Variants in GTF2F2 observed in about 807,000 individuals in gnomAD.
GTF2F2 encodes general transcription factor IIF subunit 2.
A neutral mutation model predicts 42.2 loss-of-function variants in GTF2F2; 23 were observed. The observed-to-expected ratio is 0.55, with a 90% CI of 0.39 to 0.77. GTF2F2 has a LOEUF of 0.77. Ranked by LOEUF, GTF2F2 falls within the 30% of genes least tolerant of loss-of-function variation. The probability of loss-of-function intolerance (pLI) is 0.00; values close to 1 mark genes in which losing one functional copy is unlikely to be tolerated. For missense variants in GTF2F2, 261 were observed against 287.2 expected, an observed-to-expected ratio of 0.91 and a Z score of 0.66; for synonymous variants, 105 against 100.8, an observed-to-expected ratio of 1.04 and a Z score of -0.25.
chr13:45,142,596 C>T (rs1566112480), intron 2 of GTF2F2, among the ~76,000 whole-genome samples: 2 of 152,136 alleles, frequency 1.3e-5, no homozygotes, highest in South Asian at 2.1e-4. Flanking sequence ...TTCTACCTAA[C>T]GTAACACATA....
At chr13:45,154,538 G>A (rs1778812246) in intron 4 of GTF2F2, among the ~76,000 whole-genome samples, 1 of 152,134 alleles carries the variant, frequency 6.6e-6, no homozygotes, top group South Asian at 2.1e-4. Flanking sequence ...GCAGTTCTAA[G>A]TTGCTATTAG....
intron 4 of GTF2F2, among the ~76,000 whole-genome samples, chr13:45,173,868 C>T (rs1404666491): frequency 6.6e-6 from 1 of 152,124 alleles, no homozygotes; most frequent in Non-Finnish European, 1.5e-5. Context: ...CCACCTGCCT[C>T]AGCCTCCCAA....
At chr13:45,273,285 G>T (rs1028673338) in intron 7 of GTF2F2, among the ~76,000 whole-genome samples, 4 of 151,758 alleles carry the variant, frequency 2.6e-5, no homozygotes, top group African/African-American at 9.7e-5. Flanking sequence ...TATGTTGCTT[G>T]CTGTGGTCTT....
chr13:45,259,054 A>C (rs1187647109), intron 6 of GTF2F2, among the ~76,000 whole-genome samples: 1 of 152,062 alleles, frequency 6.6e-6, no homozygotes, highest in Non-Finnish European at 1.5e-5. Context: ...TTTTCTTCTC[A>C]TAAGGAATCA....
rs551319243 is a variant in GTF2F2 at position 45,164,891 on chromosome 13, C to T, written c.304+13060C>T. ...TACACTTGAACTGTGTTCTTGATTA[C>T]GTTGGTTCTGATACAAAGTGCCTAG... On this transcript the variant is annotated intron_variant, in intron 4 of 7. Coordinates refer to ENST00000340473, the MANE Select transcript of GTF2F2 (RefSeq NM_004128.3). Among the ~76,000 whole-genome samples the T allele has an allele frequency of 2.0e-5, 3 of 152,296 alleles. No individual in the cohort carries two copies. The South Asian group carries it at 6.2e-4, about 32-fold the overall frequency.
At chr13:45,163,073 A>G (rs1871113197) in intron 4 of GTF2F2, among the ~76,000 whole-genome samples, 1 of 151,942 alleles carries the variant, frequency 6.6e-6, no homozygotes, top group African/African-American at 2.4e-5. Flanking sequence ...TTCCTTGGAG[A>G]TGTGTTAGGC....
At chr13:45,151,975 G>T in intron 4 of GTF2F2, 144 bp downstream of exon 4, 1 of 493,748 alleles carries the variant, frequency 2.0e-6, no homozygotes, top group Non-Finnish European at 3.5e-6. Flanking sequence ...AAGTCCAATG[G>T]CACGATCTTG....
At chr13:45,211,959 ACACACACACACG>A (rs1873663217) in intron 5 of GTF2F2, among the ~76,000 whole-genome samples, 1 of 151,426 alleles carries the variant, frequency 6.6e-6, no homozygotes, top group Non-Finnish European at 1.5e-5. Flanking sequence ...CTGAAGAAAC[ACACACACACACG>A]CACACACACA....
At chr13:45,226,205 A>G (rs563068812) in intron 5 of GTF2F2, among the ~76,000 whole-genome samples, 54 of 152,316 alleles carry the variant, frequency 3.5e-4, no homozygotes, top group Admixed American at 3.4e-3. Context: ...ATTCAGTACC[A>G]TGTGACTGTA....
chr13:45,166,274 C>G (rs1871294278), intron 4 of GTF2F2, among the ~76,000 whole-genome samples: 1 of 152,052 alleles, frequency 6.6e-6, no homozygotes, highest in Non-Finnish European at 1.5e-5. Flanking sequence ...TATTTTTTCC[C>G]TTTTAAATAC....
chr13:45,275,459 C>G (rs983769067), intron 7 of GTF2F2, among the ~76,000 whole-genome samples: 9 of 115,012 alleles, frequency 7.8e-5, no homozygotes, highest in African/African-American at 2.3e-4. Context: ...CCCCTCCCCC[C>G]ACCCCACGAC....
intron 1 of GTF2F2, among the ~76,000 whole-genome samples, chr13:45,131,530 T>C (rs531218804): frequency 1.3e-5 from 2 of 152,194 alleles, no homozygotes; most frequent in African/African-American, 2.4e-5. Flanking sequence ...AGAGCCTGTC[T>C]AGAGTAAGTT....
chr13:45,151,247 C>T (rs375511528), intron 3 of GTF2F2, among the ~76,000 whole-genome samples: 13 of 152,258 alleles, frequency 8.5e-5, no homozygotes, highest in African/African-American at 2.2e-4. Context: ...TCTGTTTCTG[C>T]GCTAATTTAC....
In GTF2F2 at chr13:45,163,982, C is replaced by T. The variant is rs112497757; in HGVS notation, c.304+12151C>T. On this transcript the variant is annotated intron_variant, in intron 4 of 7. Transcript: ENST00000340473. The stretch of plus-strand genomic sequence containing the variant: ...CAGCCTGGCTGACCTGACGAAACCC[C>T]GTCTCTACTGAAAATACAAAAATTA... Among the ~76,000 whole-genome samples, 23 of 152,176 alleles carry T rather than the reference C, an allele frequency of 1.5e-4. No homozygotes were observed. The East Asian group carries it at 3.5e-3, about 23-fold the overall frequency.
chr13:45,283,587 G>A lies in GTF2F2; in HGVS notation c.*26G>A, dbSNP rs1409973147. The A allele has an allele frequency of 1.9e-6, 3 of 1,576,942 alleles. No homozygotes were observed. Among genetic ancestry groups the A allele is most frequent in the Non-Finnish European group, 2.6e-6 (3 of 1,163,594 alleles). The stretch of plus-strand genomic sequence containing the variant: ...GAAGACTCCTAGCCAGCATGCTAGT[G>A]AAACGACTAGCAGCGATGCTATGCA... On this transcript the variant is annotated 3_prime_UTR_variant, in exon 8 of 8. Transcript: ENST00000340473.
intron 4 of GTF2F2, among the ~76,000 whole-genome samples, chr13:45,183,404 G>A (rs114235277): frequency 0.011 from 1,648 of 152,232 alleles, 37 homozygotes; most frequent in African/African-American, 0.036. Context: ...TCCTCAGGGG[G>A]ATCCAGAATG....
At chr13:45,258,003 A>AAACCAAGC (rs1167157978) in intron 6 of GTF2F2, among the ~76,000 whole-genome samples, 1 of 152,234 alleles carries the variant, frequency 6.6e-6, no homozygotes, top group Non-Finnish European at 1.5e-5. Flanking sequence ...TAATACTAAT[A>AAACCAAGC]AACCAAGCAT....
chr13:45,136,615 A>G, intron 1 of GTF2F2, 118 bp from the exon 2 acceptor site: 1 of 611,788 alleles, frequency 1.6e-6, no homozygotes. Flanking sequence ...ATACAGTAGT[A>G]ACTTGATAAT....
At chr13:45,169,888 A>G (rs574654840) in intron 4 of GTF2F2, among the ~76,000 whole-genome samples, 1 of 152,236 alleles carries the variant, frequency 6.6e-6, no homozygotes, top group Non-Finnish European at 1.5e-5. Flanking sequence ...GTTTACATGG[A>G]CACAACCAGT....
Sources: gnomAD v4.1 joint callset for allele counts (sites outside exome capture counted in the v4.1 genomes callset) on GRCh38, gnomAD v4.1.1 for gene constraint, MANE v1.5 for transcripts, NCBI Gene and HGNC (gene_info 2026-07-23, HGNC 2026-07-21) for gene names.